CNTN4: variants seen among roughly 807,000 people sequenced by gnomAD.
The protein encoded by CNTN4 is contactin 4, also known as contactin-4.
Under a neutral mutation model 122.5 loss-of-function variants are expected in CNTN4, and 77 were observed. The ratio of observed to expected loss-of-function variants is 0.63; its 90% CI spans 0.52 to 0.76. CNTN4 has a LOEUF of 0.76. Ranked by LOEUF, CNTN4 falls within the 30% of genes least tolerant of loss-of-function variation. The probability of loss-of-function intolerance (pLI) is 0.00; values close to 1 mark genes in which losing one functional copy is unlikely to be tolerated. For missense variants in CNTN4, 1,256 were observed against 1,259.1 expected, an observed-to-expected ratio of 1.00 and a Z score of 0.04; for synonymous variants, 512 against 447.0, an observed-to-expected ratio of 1.15 and a Z score of -1.83.
chr3:3,025,457 A>T (rs1454839829), intron 14 of CNTN4, among the ~76,000 whole-genome samples: 2 of 152,172 alleles, frequency 1.3e-5, no homozygotes. Context: ...AAACATGCCT[A>T]TACAATATTG....
chr3:2,422,359 G>T (rs1270651017), intron 3 of CNTN4, among the ~76,000 whole-genome samples: 1 of 152,174 alleles, frequency 6.6e-6, no homozygotes, highest in Non-Finnish European at 1.5e-5. Context: ...TTATAAAATG[G>T]GATGTCTGAA....
In CNTN4 at chr3:3,016,060, A is replaced by G. The variant is rs182843885; in HGVS notation, c.1487-10042A>G. On this transcript the variant is annotated intron_variant, in intron 14 of 24. Transcript: ENST00000418658. ...CACTGAAATAAACAGAAAACATTCT[A>G]ATTATTATTTGATGAAAATGTTTCT... Among the ~76,000 whole-genome samples the G allele has an allele frequency of 1.1e-3, 172 of 152,314 alleles. 1 individual carries two copies. The highest frequency in any genetic ancestry group is 6.8e-3 in the Middle Eastern group (2 of 294).
At chr3:2,696,235 T>G (rs757648885) in intron 4 of CNTN4, among the ~76,000 whole-genome samples, 3 of 152,256 alleles carry the variant, frequency 2.0e-5, no homozygotes, top group Non-Finnish European at 4.4e-5. Flanking sequence ...ACAAATAATT[T>G]CTGCGAAGTG....
chr3:2,391,140 A>G (rs1187911548), intron 3 of CNTN4, among the ~76,000 whole-genome samples: 2 of 152,200 alleles, frequency 1.3e-5, no homozygotes, highest in African/African-American at 4.8e-5. Flanking sequence ...ACATGATAAA[A>G]TGGCCAGAAT....
rs144893377 is a variant in CNTN4 at position 2,329,563 on chromosome 3, C to T, written c.-144-9615C>T. Among the ~76,000 whole-genome samples, 1,437 of 152,242 alleles carry T rather than the reference C, an allele frequency of 9.4e-3. 29 individuals carry two copies. The highest frequency in any genetic ancestry group is 0.033 in the African/African-American group (1,373 of 41,522). Reference sequence around the variant, plus strand: ...CTTTAAAGCAAAGGAGTTAAGCACTCAAATGGCAATCACCAGGAATGAGGC... The same window carrying T: ...CTTTAAAGCAAAGGAGTTAAGCACTTAAATGGCAATCACCAGGAATGAGGC... On this transcript the variant is annotated intron_variant, in intron 2 of 24. Transcript: ENST00000418658.
At chr3:2,423,533 A>G (rs1051165943) in intron 3 of CNTN4, among the ~76,000 whole-genome samples, 1 of 150,872 alleles carries the variant, frequency 6.6e-6, no homozygotes, top group Non-Finnish European at 1.5e-5. Flanking sequence ...TGCCCAAAAT[A>G]GATGCATTAA....
intron 13 of CNTN4, among the ~76,000 whole-genome samples, chr3:2,971,362 A>G (rs565883069): frequency 0.013 from 1,896 of 151,334 alleles, 16 homozygotes; most frequent in Non-Finnish European, 0.019. Context: ...CTATCTATCT[A>G]TCTATCTATA....
chr3:2,788,867 C>G (rs1559505023), intron 6 of CNTN4, among the ~76,000 whole-genome samples: 1 of 152,062 alleles, frequency 6.6e-6, no homozygotes, highest in African/African-American at 2.4e-5. Flanking sequence ...GAAAAATTTT[C>G]TTTTTTAAAG....
chr3:2,257,509 T>C (rs1286217003), intron 2 of CNTN4, among the ~76,000 whole-genome samples: 1 of 150,018 alleles, frequency 6.7e-6, no homozygotes, highest in African/African-American at 2.4e-5. Context: ...GGCAACACAG[T>C]ATAAGAGAAA....
intron 2 of CNTN4, among the ~76,000 whole-genome samples, chr3:2,286,310 G>A (rs1256057444): frequency 1.4e-5 from 2 of 140,992 alleles, no homozygotes; most frequent in Admixed American, 7.7e-5. Context: ...TTTTTTGGTT[G>A]TGTATACACC....
At chr3:2,313,526 T>C (rs537190359) in intron 2 of CNTN4, among the ~76,000 whole-genome samples, 14 of 152,034 alleles carry the variant, frequency 9.2e-5, no homozygotes, top group Admixed American at 8.5e-4. Flanking sequence ...AACTGAAAAG[T>C]GTCCTTTACC....
intron 2 of CNTN4, among the ~76,000 whole-genome samples, chr3:2,259,868 A>G (rs899063956): frequency 1.3e-5 from 2 of 151,946 alleles, no homozygotes; most frequent in African/African-American, 4.8e-5. Flanking sequence ...ATTCTTTCCC[A>G]TCCATTGTAT....
chr3:2,677,492 A>ATCTG (rs1417627868), intron 4 of CNTN4, among the ~76,000 whole-genome samples: 2 of 86,192 alleles, frequency 2.3e-5, no homozygotes, highest in Admixed American at 1.2e-4. Context: ...ATATCTATCT[A>ATCTG]TCTATCTATC....
chr3:2,477,659 A>G (rs1165657996), intron 3 of CNTN4, among the ~76,000 whole-genome samples: 1 of 152,202 alleles, frequency 6.6e-6, no homozygotes, highest in Non-Finnish European at 1.5e-5. Context: ...AATCTAGCAA[A>G]GTGAAAATTC....
In CNTN4 at chr3:3,009,635, G is replaced by A. The variant is rs35477470; in HGVS notation, c.1487-16467G>A. On this transcript the variant is annotated intron_variant, in intron 14 of 24. Transcript: ENST00000418658. ...TTTTTAGTAGAGACGGGGTTTCACC[G>A]TGTTAGCCAGGATGGTCTCGATCTC... Among the ~76,000 whole-genome samples the A allele has an allele frequency of 6.3e-3, 957 of 152,090 alleles. 6 individuals are homozygous for A. Among genetic ancestry groups the A allele is most frequent in the Admixed American group, 0.01 (160 of 15,286 alleles).
chr3:2,848,486 C>G (rs535470897), intron 7 of CNTN4, among the ~76,000 whole-genome samples: 3 of 152,318 alleles, frequency 2.0e-5, no homozygotes, highest in Non-Finnish European at 2.9e-5. Context: ...TTATGTAATA[C>G]TCTTCAGTGC....
At chr3:2,669,662 C>G (rs2084385654) in intron 4 of CNTN4, among the ~76,000 whole-genome samples, 1 of 152,234 alleles carries the variant, frequency 6.6e-6, no homozygotes, top group South Asian at 2.1e-4. Flanking sequence ...TCTTGCTTCT[C>G]CAGTTCTTTT....
intron 3 of CNTN4, among the ~76,000 whole-genome samples, chr3:2,386,734 G>A (rs539424201): frequency 1.3e-5 from 2 of 152,246 alleles, no homozygotes; most frequent in East Asian, 3.9e-4. Context: ...ACATTTCAAC[G>A]AATTATTAAG....
At chr3:2,479,513 A>C (rs2075925833) in intron 3 of CNTN4, among the ~76,000 whole-genome samples, 1 of 152,226 alleles carries the variant, frequency 6.6e-6, no homozygotes, top group Admixed American at 6.5e-5. Context: ...ATTGAAACTT[A>C]AGCGGGGAAG....
Sources: allele counts gnomAD v4.1 joint callset (sites outside exome capture counted in the v4.1 genomes callset), GRCh38; gene constraint gnomAD v4.1.1; transcripts MANE v1.5; gene names NCBI Gene and HGNC (gene_info 2026-07-23, HGNC 2026-07-21).